NFIA: variants seen among roughly 807,000 people sequenced by gnomAD.
The protein encoded by NFIA is nuclear factor 1 A-type.
In NFIA, 8 loss-of-function variants were observed where a neutral mutation model predicts 62.8. That is an observed-to-expected ratio of 0.13 (90% CI 0.07 to 0.23). NFIA has a LOEUF of 0.23. NFIA is among the 10% of genes least tolerant of loss of function. NFIA has a pLI of 1.00. For missense variants in NFIA, 410 were observed against 642.1 expected (o/e 0.64, Z 3.91); for synonymous variants, 235 against 238.1 (o/e 0.99, Z 0.12).
intron 7 of NFIA, among the ~76,000 whole-genome samples, chr1:61,393,192 T>C (rs917741180): frequency 2.6e-5 from 2 of 76,830 alleles, no homozygotes; most frequent in Admixed American, 1.4e-4. Context: ...AATTCAAGAT[T>C]GAACTTGTAT....
chr1:61,277,873 T>C (rs1288478395), intron 3 of NFIA, among the ~76,000 whole-genome samples: 3 of 152,182 alleles, frequency 2.0e-5, no homozygotes, highest in Admixed American at 6.5e-5. Context: ...GTGGGGTTAA[T>C]TTACCAAATC....
intron 2 of NFIA, among the ~76,000 whole-genome samples, chr1:61,219,276 GTAAAAGAATTTTTTC>G (rs1653853093): frequency 6.6e-6 from 1 of 151,160 alleles, no homozygotes; most frequent in Non-Finnish European, 1.5e-5. Flanking sequence ...TGCATACTTT[GTAAAAGAATTTTTTC>G]CAACCACTAG....
At chr1:61,164,220 GA>G (rs903203109) in intron 2 of NFIA, among the ~76,000 whole-genome samples, 15 of 146,558 alleles carry the variant, frequency 1.0e-4, no homozygotes, top group South Asian at 2.2e-4. Context: ...TTGTTGACTT[GA>G]AAAAAAAAAG....
chr1:61,358,379 C>CTTTCTTTTTTTTTTTTTTTTTT (rs71582639), intron 5 of NFIA, among the ~76,000 whole-genome samples: 23 of 52,618 alleles, frequency 4.4e-4, no homozygotes, highest in East Asian at 1.3e-3. Context: ...TTCTTTCTTT[C>CTTTCTTTTTTTTTTTTTTTTTT]TTTTTTTTTT....
intron 2 of NFIA, among the ~76,000 whole-genome samples, chr1:61,094,357 A>C (rs1029608328): frequency 1.3e-5 from 2 of 152,228 alleles, no homozygotes; most frequent in Non-Finnish European, 2.9e-5. Context: ...TGGTTTCAGT[A>C]ATGACTGTAA....
At chr1:61,350,840 C>A (rs917727549) in intron 4 of NFIA, among the ~76,000 whole-genome samples, 5 of 152,196 alleles carry the variant, frequency 3.3e-5, no homozygotes, top group Non-Finnish European at 7.3e-5. Context: ...TTCCTTTTAA[C>A]ATTGTTTCCA....
intron 2 of NFIA, among the ~76,000 whole-genome samples, chr1:61,174,197 C>A (rs762851284): frequency 6.6e-6 from 1 of 152,152 alleles, no homozygotes; most frequent in Non-Finnish European, 1.5e-5. Flanking sequence ...GAGAGGTCGG[C>A]GGCTAAATGT....
At chr1:61,208,423 T>C (rs1241956858) in intron 2 of NFIA, among the ~76,000 whole-genome samples, 1 of 152,224 alleles carries the variant, frequency 6.6e-6, no homozygotes, top group Non-Finnish European at 1.5e-5. Flanking sequence ...GTAGCTTTTC[T>C]ATCTGTATGT....
chr1:61,100,205 A>T (rs1037985372), intron 2 of NFIA, among the ~76,000 whole-genome samples: 23 of 152,200 alleles, frequency 1.5e-4, no homozygotes, highest in African/African-American at 5.1e-4. Flanking sequence ...TTTACATTTG[A>T]GGATTCTAAG....
chr1:61,223,732 C>T (rs1489326934), intron 2 of NFIA, among the ~76,000 whole-genome samples: 1 of 152,034 alleles, frequency 6.6e-6, no homozygotes, highest in African/African-American at 2.4e-5. Flanking sequence ...CACCTCTTCT[C>T]TGTATTTCTA....
intron 1 of NFIA, among the ~76,000 whole-genome samples, chr1:61,086,467 AT>A (rs1390246318): frequency 6.6e-6 from 1 of 152,050 alleles, no homozygotes; most frequent in African/African-American, 2.4e-5. Context: ...CAATTCCTGT[AT>A]TTTTTTCTAT....
intron 2 of NFIA, among the ~76,000 whole-genome samples, chr1:61,184,976 A>G (rs1193309146): frequency 1.3e-5 from 2 of 152,238 alleles, no homozygotes; most frequent in African/African-American, 4.8e-5. Context: ...TCTGTGTCTG[A>G]GCAGAATGCT....
chr1:61,321,231 AGT>A (rs1660663399), intron 3 of NFIA, among the ~76,000 whole-genome samples: 1 of 151,856 alleles, frequency 6.6e-6, no homozygotes, highest in Admixed American at 6.6e-5. Context: ...TGCTAAAGTA[AGT>A]GTTTAAATTT....
intron 2 of NFIA, among the ~76,000 whole-genome samples, chr1:61,128,265 A>G (rs1647010116): frequency 6.6e-6 from 1 of 152,004 alleles, no homozygotes; most frequent in Admixed American, 6.6e-5. Context: ...CATTTAATAA[A>G]TTGTAAGGAG....
chr1:61,345,045 A>AT (rs962265941), intron 4 of NFIA, among the ~76,000 whole-genome samples: 5 of 152,196 alleles, frequency 3.3e-5, no homozygotes, highest in African/African-American at 1.2e-4. Context: ...ATAGCAAACC[A>AT]TTTATTAAGA....
intron 9 of NFIA, among the ~76,000 whole-genome samples, chr1:61,418,720 T>TA (rs1359891301): frequency 2.0e-5 from 3 of 152,230 alleles, no homozygotes; most frequent in Admixed American, 2.0e-4. Context: ...GTTGCTCTTA[T>TA]AAGTAATGAT....
At position 61,175,590 on chromosome 1, in the gene NFIA, C is replaced by T. The variant is rs571877001; in HGVS notation, c.559+86910C>T. Among the ~76,000 whole-genome samples, 5 of 152,292 alleles carry T rather than the reference C, an allele frequency of 3.3e-5. No individual in the cohort carries two copies. The South Asian group carries it at 1.0e-3, about 32-fold the overall frequency. On this transcript the variant is annotated intron_variant, in intron 2 of 10. Transcript: ENST00000403491. ...CAAGGTAACAATGCCATACCTCCTC[C>T]AGGTCCTCAAAAAAGGCAGTATTAA...
chr1:61,082,857 G>A (rs1174666023), intron 1 of NFIA, 39 bp downstream of exon 1: 3 of 1,544,892 alleles, frequency 1.9e-6, no homozygotes, highest in Non-Finnish European at 2.6e-6. Flanking sequence ...TGGGGGCCGG[G>A]GCGCCGGGGG....
At chr1:61,255,299 G>T (rs1656309729) in intron 2 of NFIA, among the ~76,000 whole-genome samples, 1 of 152,128 alleles carries the variant, frequency 6.6e-6, no homozygotes, top group African/African-American at 2.4e-5. Context: ...TACGCTCCTT[G>T]TTTGAATTGT....
Sources: allele counts gnomAD v4.1 joint callset (sites outside exome capture counted in the v4.1 genomes callset), GRCh38; gene constraint gnomAD v4.1.1; transcripts MANE v1.5; gene names NCBI Gene and HGNC (gene_info 2026-07-23, HGNC 2026-07-21).